The following PLEKHH1 variants were observed in gnomAD, a reference collection of about 807,000 sequenced individuals.
PLEKHH1 encodes the protein pleckstrin homology, MyTH4 and FERM domain containing H1.
PLEKHH1 carries 104 observed loss-of-function variants against 160.0 expected under a neutral mutation model. The ratio of observed to expected loss-of-function variants is 0.65; its 90% CI spans 0.55 to 0.76. The LOEUF (loss-of-function observed/expected upper bound fraction) is 0.76. Among genes scored for constraint, PLEKHH1 ranks in the 30% least tolerant of loss-of-function variants. The pLI, the probability that PLEKHH1 is intolerant of heterozygous loss-of-function variation, is 0.00. For missense variants in PLEKHH1, 1,427 were observed against 1,724.1 expected (o/e 0.83, Z 3.05); for synonymous variants, 619 against 678.4 (o/e 0.91, Z 1.36).
In PLEKHH1 at chr14:67,572,143, A is replaced by G. The variant is rs1401211988; in HGVS notation, c.1594A>G (p.Met532Val). Residue 532 changes from methionine (M) to valine (V), a missense_variant, in exon 11 of 29, where the codon ATG becomes GTG. This residue lies in a region of PLEKHH1 where 831 missense variants were observed against 929.2 expected (regional missense o/e 0.89). Transcript: ENST00000329153. ...SPRAIKRGVS[M>V]SSLSSEGDYA... ...CCTCCTCCCTCGGCAAGGCGTCTCC[A>G]TGTCCTCACTGAGCTCCGAGGGTGA... is the stretch of plus-strand genomic sequence containing the variant. The G allele has an allele frequency of 1.9e-6, 3 of 1,606,760 alleles. No homozygotes were observed. Among genetic ancestry groups the G allele is most frequent in the Admixed American group, 3.4e-5 (2 of 59,250 alleles).
intron 7 of PLEKHH1, among the ~76,000 whole-genome samples, chr14:67,567,574 G>A (rs2035165507): frequency 6.6e-6 from 1 of 151,994 alleles, no homozygotes; most frequent in African/African-American, 2.4e-5. Flanking sequence ...CCTGCTGCAG[G>A]GCCCTCCTTG....
chr14:67,576,265 G>T lies in PLEKHH1; in HGVS notation c.2353-130G>T. On this transcript the variant is annotated intron_variant, in intron 16 of 28. Coordinates refer to ENST00000329153, the MANE Select transcript of PLEKHH1 (RefSeq NM_020715.3). The surrounding 1 kb of genome is among the most constrained non-coding windows in gnomAD (Gnocchi z 4.0). The stretch of plus-strand genomic sequence containing the variant: ...ACCTGATCCTCAGTCTTTCCAGGTA[G>T]CCCTGACTCATGCCAACCAAACTAG... 1 of 629,468 alleles carries T rather than the reference G, an allele frequency of 1.6e-6. No homozygotes were observed. The highest frequency in any genetic ancestry group is 2.8e-6 in the Non-Finnish European group (1 of 360,758). The allele number at this position is 629,468 out of a possible 1,614,324, so 39.0% of individuals were successfully genotyped here.
chr14:67,561,420 G>A (rs1566738844), intron 5 of PLEKHH1, among the ~76,000 whole-genome samples: 1 of 152,088 alleles, frequency 6.6e-6, no homozygotes, highest in Non-Finnish European at 1.5e-5. Flanking sequence ...GCATAGTGGC[G>A]TGCACCTGTA....
At chr14:67,565,989 G>A (rs1290785768) in intron 7 of PLEKHH1, among the ~76,000 whole-genome samples, 2 of 152,260 alleles carry the variant, frequency 1.3e-5, no homozygotes, top group Non-Finnish European at 2.9e-5. Context: ...GCATGGTGGT[G>A]CACGCCTATA....
intron 8 of PLEKHH1, 81 bp from the exon 9 acceptor site, chr14:67,569,840 A>G: frequency 5.8e-6 from 5 of 864,500 alleles, no homozygotes; most frequent in South Asian, 5.7e-5. Context: ...AGGGAATGCC[A>G]TCTGCCCAGT....
At chr14:67,577,989 T>C (rs1459820622) in intron 18 of PLEKHH1, 34 bp from the exon 19 acceptor site, 2 of 1,592,766 alleles carry the variant, frequency 1.3e-6, no homozygotes, top group South Asian at 1.1e-5. Context: ...CAGGGGATGC[T>C]GGTCTGCCTG....
At chr14:67,552,757 ACT>A in intron 2 of PLEKHH1, among the ~76,000 whole-genome samples, 2 of 125,734 alleles carry the variant, frequency 1.6e-5, no homozygotes, top group East Asian at 4.4e-4. Context: ...ACAGAGCAAG[ACT>A]CTGTCTCAAA....
chr14:67,557,963 A>G (rs1266856738), intron 4 of PLEKHH1, among the ~76,000 whole-genome samples: 3 of 152,214 alleles, frequency 2.0e-5, no homozygotes, highest in Non-Finnish European at 4.4e-5. Context: ...AAAGTTTCTT[A>G]GTGAAGCTGA....
rs1200112987 is a variant in PLEKHH1 at position 67,573,778 on chromosome 14, C to G, written c.1840-23C>G. On this transcript the variant is annotated intron_variant, in intron 12 of 28. Transcript: ENST00000329153. This position sits in a 1 kb window ranked among gnomAD's most constrained non-coding sequence, Gnocchi z 4.8. ...GAAAGGCTCCACATTCAGTGGCTCT[C>G]CTCTCCAATACTTTCTTTACAGAGT... The G allele has an allele frequency of 6.6e-7, 1 of 1,525,694 alleles. No homozygotes were observed. The highest frequency in any genetic ancestry group is 1.7e-5 in the Admixed American group (1 of 59,932). 94.5% of individuals were successfully genotyped at this position (1,525,694 alleles called of 1,614,324 possible). A position where few individuals can be genotyped will look rare whatever the true frequency, so the allele number is the denominator to read the frequency against.
In PLEKHH1 at chr14:67,587,133, C is replaced by CG; in HGVS notation, c.3993_3994insG (p.Pro1332AlafsTer58). On this transcript the variant is annotated frameshift_variant, in exon 29 of 29. Transcript: ENST00000329153. LOFTEE classifies it high-confidence loss of function. The stretch of plus-strand genomic sequence containing the variant: ...TGAACCATTGCACTACAACTGTGAA[C>CG]CCCCCCACCAACCCACCCGGAGCCT... The CG allele has an allele frequency of 6.2e-7, 1 of 1,613,526 alleles. No individual in the cohort carries two copies. The highest frequency in any genetic ancestry group is 1.1e-5 in the South Asian group (1 of 91,024).
At chr14:67,580,615 A>G (rs556138696) in intron 22 of PLEKHH1, among the ~76,000 whole-genome samples, 1 of 152,368 alleles carries the variant, frequency 6.6e-6, no homozygotes, top group East Asian at 1.9e-4. Context: ...GAAGAGGAGA[A>G]TAGCAGTCAG....
At chr14:67,568,391 A>G (rs1470519681) in intron 7 of PLEKHH1, among the ~76,000 whole-genome samples, 1 of 152,196 alleles carries the variant, frequency 6.6e-6, no homozygotes, top group African/African-American at 2.4e-5. Context: ...TGGGAGCTGG[A>G]CAATGAGAAC....
intron 15 of PLEKHH1, 159 bp from the exon 16 acceptor site, chr14:67,575,664 C>G: frequency 1.4e-6 from 1 of 709,696 alleles, no homozygotes; most frequent in Non-Finnish European, 2.4e-6. Flanking sequence ...AAGCCTCATT[C>G]TGCTGCCAGC....
chr14:67,555,266 C>A (rs547175539), intron 2 of PLEKHH1, among the ~76,000 whole-genome samples: 37 of 152,328 alleles, frequency 2.4e-4, no homozygotes, highest in African/African-American at 8.4e-4. Context: ...CTTTCTCTTT[C>A]TAGTTCTTTA....
chr14:67,536,296 A>G (rs1481044485), intron 1 of PLEKHH1, among the ~76,000 whole-genome samples: 3 of 151,760 alleles, frequency 2.0e-5, no homozygotes, highest in Non-Finnish European at 4.4e-5. Context: ...GTGTACACTC[A>G]CACCCTTCTC....
In PLEKHH1 at chr14:67,576,157, A is replaced by G. The variant is rs1242427119; in HGVS notation, c.2352+152A>G. Among the ~76,000 whole-genome samples the G allele has an allele frequency of 2.0e-5, 3 of 152,190 alleles. No individual in the cohort carries two copies. Among genetic ancestry groups the G allele is most frequent in the Non-Finnish European group, 4.4e-5 (3 of 68,034 alleles). ...TCTCTGAATGGGAATATTCCTTTAT[A>G]CTGAATTTATTCCCAGTGACCAACA... On this transcript the variant is annotated intron_variant, in intron 16 of 28. Transcript: ENST00000329153. This position sits in a 1 kb window ranked among gnomAD's most constrained non-coding sequence, Gnocchi z 4.0.
In PLEKHH1 at chr14:67,587,413, G is replaced by T; in HGVS notation, c.*178G>T. On this transcript the variant is annotated 3_prime_UTR_variant, in exon 29 of 29. Coordinates refer to ENST00000329153, the MANE Select transcript of PLEKHH1 (RefSeq NM_020715.3). ...TCTAGGTGCCTTATAATGTTTCAGG[G>T]CTCAACTTTTTAAAATCCAGACCCA... 1 of 687,762 alleles carries T rather than the reference G, an allele frequency of 1.5e-6. No homozygotes were observed. Among genetic ancestry groups the T allele is most frequent in the Non-Finnish European group, 2.5e-6 (1 of 405,168 alleles). 42.6% of individuals were successfully genotyped at this position (687,762 alleles called of 1,614,324 possible).
At chr14:67,575,699 C>A in intron 15 of PLEKHH1, 124 bp from the exon 16 acceptor site, 2 of 781,574 alleles carry the variant, frequency 2.6e-6, no homozygotes, top group Non-Finnish European at 4.2e-6. Flanking sequence ...ATAGTCTCCA[C>A]CTCCCCATCC....
chr14:67,573,182 G>A lies in PLEKHH1; in HGVS notation c.1729-94G>A, dbSNP rs537149152. ...ATAATTTTGTATTTAATTGATGACC[G>A]AGTAGTGAGGCAGCTGGACCACTTG... On this transcript the variant is annotated intron_variant, in intron 11 of 28. Coordinates refer to ENST00000329153, the MANE Select transcript of PLEKHH1 (RefSeq NM_020715.3). The surrounding 1 kb of genome is among the most constrained non-coding windows in gnomAD (Gnocchi z 4.8). 20 of 744,640 alleles carry A rather than the reference G, an allele frequency of 2.7e-5. No individual in the cohort carries two copies. Among genetic ancestry groups the A allele is most frequent in the Middle Eastern group, 2.3e-4 (1 of 4,290 alleles). The allele number at this position is 744,640 out of a possible 1,614,324, so 46.1% of individuals were successfully genotyped here. A position where few individuals can be genotyped will look rare whatever the true frequency, so the allele number is the denominator to read the frequency against.
Sources: gnomAD v4.1 joint callset for allele counts (sites outside exome capture counted in the v4.1 genomes callset) on GRCh38, gnomAD v4.1.1 for gene constraint, gnomAD v4.1.1 regional missense constraint, Gnocchi (gnomAD v3.1) non-coding constraint, MANE v1.5 for transcripts, NCBI Gene and HGNC (gene_info 2026-07-23, HGNC 2026-07-21) for gene names.